Variants in KMT2A observed in about 807,000 individuals in gnomAD.
KMT2A encodes the protein histone-lysine N-methyltransferase 2A.
In KMT2A, 16 loss-of-function variants were observed where a neutral mutation model predicts 345.3. That is an observed-to-expected ratio of 0.05 (90% CI 0.03 to 0.07). The LOEUF (loss-of-function observed/expected upper bound fraction) is 0.07, where lower values mean the gene tolerates loss of function less well. KMT2A is among the 10% of genes least tolerant of loss of function. The pLI, the probability that KMT2A is intolerant of heterozygous loss-of-function variation, is 1.00. For missense variants in KMT2A, 3,272 were observed against 4,841.6 expected, an observed-to-expected ratio of 0.68 and a Z score of 9.62; for synonymous variants, 1,599 against 1,778.6, an observed-to-expected ratio of 0.90 and a Z score of 2.54.
intron 24 of KMT2A, 82 bp from the exon 25 acceptor site, chr11:118,500,905 G>A: frequency 9.1e-7 from 1 of 1,104,154 alleles, no homozygotes; most frequent in East Asian, 2.4e-5. Flanking sequence ...AGGGAACCTA[G>A]GATAAAGAGA....
Position 118,521,658 on chromosome 11 carries a change from A to G in KMT2A, c.11644-239A>G, listed in dbSNP as rs1485545455. On this transcript the variant is annotated intron_variant, in intron 35 of 35. Transcript: ENST00000534358. The surrounding 1 kb of genome is among the most constrained non-coding windows in gnomAD (Gnocchi z 5.3). ...CTCCTAGTATCAGAAGCAAATAGCT[A>G]TACAAGTTTTAGGTTTCTCTCTCCT... Among the ~76,000 whole-genome samples, 4 of 152,240 alleles carry G rather than the reference A, an allele frequency of 2.6e-5. No individual in the cohort carries two copies. Among genetic ancestry groups the G allele is most frequent in the Admixed American group, 1.3e-4 (2 of 15,278 alleles).
intron 31 of KMT2A, among the ~76,000 whole-genome samples, chr11:118,514,772 T>G (rs1950773588): frequency 6.6e-6 from 1 of 152,148 alleles, no homozygotes; most frequent in South Asian, 2.1e-4. Context: ...TAGCTGGGAT[T>G]ACAGGCATGT....
chr11:118,459,093 C>T (rs1591361341), intron 1 of KMT2A, among the ~76,000 whole-genome samples: 1 of 152,168 alleles, frequency 6.6e-6, no homozygotes, highest in South Asian at 2.1e-4. Context: ...CCCTTTGAGA[C>T]AGAGTCTTGC....
chr11:118,489,818 A>C lies in KMT2A; in HGVS notation c.4506A>C (p.Arg1502=). 6.2e-7 allele frequency: 1 copy of C among 1,614,212 alleles called. No individual in the cohort carries two copies. The highest frequency in any genetic ancestry group is 8.5e-7 in the Non-Finnish European group (1 of 1,180,026). ...TKQLLECNKC[R]NSYHPECLGP... ...AGCTGCTGGAGTGTAATAAGTGCCG[A>C]AACAGCTATCACCCTGAGTGCCTGG... is the stretch of plus-strand genomic sequence containing the variant. Residue 1502 remains arginine (R), a synonymous_variant, in exon 12 of 36, where the codon CGA becomes CGC. Coordinates refer to ENST00000534358, the MANE Select transcript of KMT2A (RefSeq NM_001197104.2).
rs1555046657 is a variant in KMT2A at position 118,503,428 on chromosome 11, C to G, written c.7536C>G (p.Ala2512=). ...CACCCATGCAAGTAGAAGGATCTGC[C>G]AAGGAATTACAGGCACCACGGAAAC... ...KAPPMQVEGS[A]KELQAPRKRT... The change falls in exon 27 of 36, where the codon GCC becomes GCG. Residue 2512 remains alanine, a synonymous_variant. Transcript: ENST00000534358. This position sits in a 1 kb window ranked among gnomAD's most constrained non-coding sequence, Gnocchi z 5.3. The G allele has an allele frequency of 2.5e-6, 4 of 1,613,966 alleles. No homozygotes were observed. The highest frequency in any genetic ancestry group is 3.4e-6 in the Non-Finnish European group (4 of 1,179,918).
intron 10 of KMT2A, among the ~76,000 whole-genome samples, chr11:118,486,894 AT>A (rs1565290621): frequency 2.0e-5 from 3 of 152,080 alleles, no homozygotes; most frequent in African/African-American, 4.8e-5. Context: ...TCTCAAAAAA[AT>A]TTTTAAAAAT....
chr11:118,491,698 C>G lies in KMT2A; in HGVS notation c.4820-46C>G, dbSNP rs782422727. On this transcript the variant is annotated intron_variant, in intron 14 of 35. Coordinates refer to ENST00000534358, the MANE Select transcript of KMT2A (RefSeq NM_001197104.2). The surrounding 1 kb of genome is among the most constrained non-coding windows in gnomAD (Gnocchi z 4.2). ...GAATAGTTTCCTCTTCTTCCTCTCT[C>G]TCATTCTTCAGAGGACCTCATCATG... The G allele has an allele frequency of 6.3e-6, 9 of 1,417,724 alleles. No homozygotes were observed. Among genetic ancestry groups the G allele is most frequent in the Non-Finnish European group, 7.7e-6 (8 of 1,033,702 alleles). 87.8% of individuals were successfully genotyped at this position (1,417,724 alleles called of 1,614,324 possible).
At chr11:118,467,723 C>T (rs1381914946) in intron 1 of KMT2A, among the ~76,000 whole-genome samples, 8 of 152,134 alleles carry the variant, frequency 5.3e-5, no homozygotes, top group African/African-American at 1.9e-4. Flanking sequence ...TGATGTTGTC[C>T]ACATACATGT....
chr11:118,465,658 C>T (rs1302742831), intron 1 of KMT2A, among the ~76,000 whole-genome samples: 1 of 152,196 alleles, frequency 6.6e-6, no homozygotes, highest in Non-Finnish European at 1.5e-5. Context: ...CCAGCACTCT[C>T]CTCACTGGCA....
chr11:118,510,674 A>G lies in KMT2A; in HGVS notation c.11071+556A>G, dbSNP rs1555049834. 6.6e-6 allele frequency among the ~76,000 whole-genome samples: 1 copy of G among 152,140 alleles called. No homozygotes were observed. Among genetic ancestry groups the G allele is most frequent in the Non-Finnish European group, 1.5e-5 (1 of 68,014 alleles). On this transcript the variant is annotated intron_variant, in intron 30 of 35. Coordinates refer to ENST00000534358, the MANE Select transcript of KMT2A (RefSeq NM_001197104.2). This position sits in a 1 kb window ranked among gnomAD's most constrained non-coding sequence, Gnocchi z 4.1. ...TCACTCACTCAACAGCGAGCTCTCC[A>G]TAAGGGCTGGAATTTTATTTTCTTA...
intron 5 of KMT2A, among the ~76,000 whole-genome samples, chr11:118,479,021 C>A (rs1488788414): frequency 6.6e-6 from 1 of 152,186 alleles, no homozygotes; most frequent in Non-Finnish European, 1.5e-5. Context: ...TTGATACAGG[C>A]ATGCAATGCA....
rs1950035647 is a variant in KMT2A at position 118,476,207 on chromosome 11, C to A, written c.3157-598C>A. 6.6e-6 allele frequency among the ~76,000 whole-genome samples: 1 copy of A among 152,264 alleles called. No individual in the cohort carries two copies. The highest frequency in any genetic ancestry group is 2.1e-4 in the South Asian group (1 of 4,818). ...AGGCGTGAGCCACCACCTATACTTT[C>A]ATTTATAAGTTATTTCACCCCTACT... On this transcript the variant is annotated intron_variant, in intron 3 of 35. Transcript: ENST00000534358. This position sits in a 1 kb window ranked among gnomAD's most constrained non-coding sequence, Gnocchi z 4.1.
intron 1 of KMT2A, among the ~76,000 whole-genome samples, chr11:118,461,802 A>G (rs7125489): frequency 0.013 from 2,012 of 152,210 alleles, 54 homozygotes; most frequent in African/African-American, 0.046. Flanking sequence ...TGATTTCTAG[A>G]TAAGTTTAAA....
chr11:118,508,692 G>A (rs567239938), intron 28 of KMT2A, among the ~76,000 whole-genome samples: 1 of 149,430 alleles, frequency 6.7e-6, no homozygotes, highest in South Asian at 2.1e-4. Flanking sequence ...CTGCACTCCA[G>A]CCTGGACAGC....
In KMT2A at chr11:118,495,993, G is replaced by A; in HGVS notation, c.5557+100G>A. On this transcript the variant is annotated intron_variant, in intron 19 of 35. Coordinates refer to ENST00000534358, the MANE Select transcript of KMT2A (RefSeq NM_001197104.2). The surrounding 1 kb of genome is among the most constrained non-coding windows in gnomAD (Gnocchi z 4.1). ...TAAAATTAGATATACTTGGATATCA[G>A]AAAGGAATTTTCAGGTCATCCTTAA... The A allele has an allele frequency of 9.0e-7, 1 of 1,114,864 alleles. No homozygotes were observed. Among genetic ancestry groups the A allele is most frequent in the Non-Finnish European group, 1.3e-6 (1 of 769,598 alleles). 69.1% of individuals were successfully genotyped at this position (1,114,864 alleles called of 1,614,324 possible). A position where few individuals can be genotyped will look rare whatever the true frequency, so the allele number is the denominator to read the frequency against.
intron 10 of KMT2A, among the ~76,000 whole-genome samples, chr11:118,487,418 C>T (rs1458474493): frequency 2.6e-5 from 4 of 152,142 alleles, no homozygotes; most frequent in African/African-American, 9.7e-5. Context: ...AAACTCTCCT[C>T]CATGCGAATT....
At chr11:118,465,139 G>A (rs1399268426) in intron 1 of KMT2A, among the ~76,000 whole-genome samples, 1 of 152,204 alleles carries the variant, frequency 6.6e-6, no homozygotes, top group Non-Finnish European at 1.5e-5. Context: ...CATCTAGGCT[G>A]AGGCAGGAGA....
At chr11:118,511,738 A>G (rs1950691982) in intron 30 of KMT2A, among the ~76,000 whole-genome samples, 1 of 152,176 alleles carries the variant, frequency 6.6e-6, no homozygotes, top group South Asian at 2.1e-4. Flanking sequence ...GTGTCCTCCA[A>G]CAGAAAGAAG....
At chr11:118,482,326 T>TG in intron 7 of KMT2A, 96 bp from the exon 8 acceptor site, 3 of 965,502 alleles carry the variant, frequency 3.1e-6, no homozygotes, top group Non-Finnish European at 3.0e-6. Context: ...TAAATAGTTT[T>TG]TTTTTTTTTT....
Sources: gnomAD v4.1 joint callset for allele counts (sites outside exome capture counted in the v4.1 genomes callset) on GRCh38, gnomAD v4.1.1 for gene constraint, Gnocchi (gnomAD v3.1) non-coding constraint, MANE v1.5 for transcripts, NCBI Gene and HGNC (gene_info 2026-07-23, HGNC 2026-07-21) for gene names.